ATAD3A: variants seen among roughly 807,000 people sequenced by gnomAD.
The protein encoded by ATAD3A is ATPase family AAA domain containing 3A, also known as ATPase family AAA domain-containing protein 3A.
A neutral mutation model predicts 73.8 loss-of-function variants in ATAD3A; 46 were observed. The observed-to-expected ratio is 0.62, with a 90% CI of 0.49 to 0.80. The LOEUF (loss-of-function observed/expected upper bound fraction) is 0.80. Among genes scored for constraint, ATAD3A ranks in the 30% least tolerant of loss-of-function variants. The pLI, the probability that ATAD3A is intolerant of heterozygous loss-of-function variation, is 0.00. For synonymous variants in ATAD3A, 319 were observed against 350.0 expected, an observed-to-expected ratio of 0.91 and a Z score of 0.99; for missense variants, 705 against 838.0, an observed-to-expected ratio of 0.84 and a Z score of 1.96.
chr1:1,515,710 C>T (rs1345400576), intron 1 of ATAD3A, among the ~76,000 whole-genome samples: 2 of 152,340 alleles, frequency 1.3e-5, no homozygotes, highest in South Asian at 2.1e-4. Context: ...CTTTAGCCAT[C>T]GCCTGACTTT....
chr1:1,515,795 T>C (rs1641335235), intron 1 of ATAD3A, among the ~76,000 whole-genome samples: 1 of 152,160 alleles, frequency 6.6e-6, no homozygotes, highest in Admixed American at 6.5e-5. Flanking sequence ...AGACCATCCC[T>C]GGGGGGATAA....
Position 1,523,833 on chromosome 1 carries a change from C to T in ATAD3A, c.964-6C>T, listed in dbSNP as rs754629802. ...GTCTCCTCCAAACCCCCGTCTTCCC[C>T]GGCAGCCCAGCCTGGAAGCACGGGT... is the stretch of plus-strand genomic sequence containing the variant. On this transcript the variant is annotated splice_region_variant and splice_polypyrimidine_tract_variant and intron_variant, in intron 9 of 15. Transcript: ENST00000378756. This position sits in a 1 kb window ranked among gnomAD's most constrained non-coding sequence, Gnocchi z 5.1. 6.5e-5 allele frequency: 105 copies of T among 1,613,786 alleles called. No individual in the cohort carries two copies. The highest frequency in any genetic ancestry group is 2.4e-4 in the East Asian group (11 of 44,898).
intron 1 of ATAD3A, 91 bp from the exon 2 acceptor site, chr1:1,515,921 G>A (rs1170689989): frequency 6.7e-7 from 1 of 1,488,786 alleles, no homozygotes; most frequent in African/African-American, 1.4e-5. Context: ...GCGTGGCCGT[G>A]GATTCCAGAA....
intron 10 of ATAD3A, 125 bp downstream of exon 10, chr1:1,524,089 G>T: frequency 1.9e-6 from 3 of 1,575,388 alleles, no homozygotes; most frequent in Non-Finnish European, 8.6e-7. Flanking sequence ...CCTCGTGTAG[G>T]CTCAGGGTGC....
chr1:1,516,289 A>T (rs1570320535), intron 2 of ATAD3A, among the ~76,000 whole-genome samples: 3 of 151,882 alleles, frequency 2.0e-5, no homozygotes, highest in African/African-American at 7.2e-5. Flanking sequence ...CCCGAGAGGG[A>T]GGGCTGGTGT....
At position 1,512,318 on chromosome 1, in the gene ATAD3A, G is replaced by A; in HGVS notation, c.50G>A (p.Gly17Glu). The change falls in exon 1 of 16, where the codon GGG becomes GAG. Residue 17 changes from glycine to glutamate, a missense_variant. By Grantham distance (98) the Gly-to-Glu change is moderately conservative (BLOSUM62 -2). Transcript: ENST00000378756. ...AAGGGCCCCAAGGGTGAAGGCGCGG[G>A]GCCGCCGCCGCCTTTGCCGCCCGCG... is the stretch of plus-strand genomic sequence containing the variant. ...INKGPKGEGA[G>E]PPPPLPPAQP... The A allele has an allele frequency of 8.0e-7, 1 of 1,243,636 alleles. No individual in the cohort carries two copies. The highest frequency in any genetic ancestry group is 1.0e-6 in the Non-Finnish European group (1 of 988,550). 77.0% of individuals were successfully genotyped at this position (1,243,636 alleles called of 1,614,324 possible). A position where few individuals can be genotyped will look rare whatever the true frequency, so the allele number is the denominator to read the frequency against.
rs1423802037 is a variant in ATAD3A at position 1,527,761 on chromosome 1, T to C, written c.1404T>C (p.Asn468=). The C allele has an allele frequency of 6.2e-7, 1 of 1,613,730 alleles. No individual in the cohort carries two copies. Among genetic ancestry groups the C allele is most frequent in the Non-Finnish European group, 8.5e-7 (1 of 1,179,894 alleles). ...QFDWAINDRI[N]EMVHFDLPGQ... is the part of the protein sequence containing the mutation. ...ACTGGGCCATCAATGACCGCATCAA[T>C]GAGATGGTCCACTTCGACCTGCCAG... Residue 468 remains asparagine (N), a synonymous_variant, in exon 14 of 16, where the codon AAT becomes AAC. Transcript: ENST00000378756.
intron 15 of ATAD3A, among the ~76,000 whole-genome samples, chr1:1,531,531 T>C (rs1202030273): frequency 2.0e-5 from 3 of 151,862 alleles, no homozygotes; most frequent in African/African-American, 7.3e-5. Flanking sequence ...CCCAGCACTT[T>C]GGGAGGCCGA....
intron 2 of ATAD3A, among the ~76,000 whole-genome samples, chr1:1,516,868 C>T (rs1166410729): frequency 6.6e-6 from 1 of 152,134 alleles, no homozygotes; most frequent in Non-Finnish European, 1.5e-5. Flanking sequence ...CCCGCCACCA[C>T]ATCTGGCTAA....
rs1184920743 is a variant in ATAD3A, at chr1:1,523,461, C to T, written c.907-50C>T. ...GTGTGTGTGCGCGTTGGTGGCTGTTCCGTGGCTGTGGCAGGTGACCCGATG... is the reference window on the plus strand; with the variant it reads ...GTGTGTGTGCGCGTTGGTGGCTGTTTCGTGGCTGTGGCAGGTGACCCGATG... On this transcript the variant is annotated intron_variant, in intron 8 of 15. Coordinates refer to ENST00000378756, the MANE Select transcript of ATAD3A (RefSeq NM_001170535.3). This position sits in a 1 kb window ranked among gnomAD's most constrained non-coding sequence, Gnocchi z 5.1. 1 of 1,597,896 alleles carries T rather than the reference C, an allele frequency of 6.3e-7. No homozygotes were observed. Among genetic ancestry groups the T allele is most frequent in the Non-Finnish European group, 8.5e-7 (1 of 1,172,524 alleles).
rs1371643873 is a variant in ATAD3A at position 1,520,313 on chromosome 1, A to C, written c.680+7A>C. The C allele has an allele frequency of 1.2e-6, 2 of 1,610,382 alleles. No homozygotes were observed. Among genetic ancestry groups the C allele is most frequent in the South Asian group, 1.1e-5 (1 of 90,988 alleles). The stretch of plus-strand genomic sequence containing the variant: ...CCGTCTTGGAGTCCATCAGGTGAGC[A>C]CTGCCGAGGCCCGGGCCGGCCACAG... On this transcript the variant is annotated splice_region_variant and intron_variant, in intron 6 of 15. Coordinates refer to ENST00000378756, the MANE Select transcript of ATAD3A (RefSeq NM_001170535.3). The surrounding 1 kb of genome is among the most constrained non-coding windows in gnomAD (Gnocchi z 4.0).
Position 1,520,855 on chromosome 1 carries a change from T to C in ATAD3A, c.750+238T>C, listed in dbSNP as rs1420386881. Among the ~76,000 whole-genome samples, 2 of 151,356 alleles carry C rather than the reference T, an allele frequency of 1.3e-5. No homozygotes were observed. Among genetic ancestry groups the C allele is most frequent in the African/African-American group, 2.4e-5 (1 of 41,206 alleles). Reference sequence around the variant, plus strand: ...GACCCCATCTCTACAAAAAATCAAATATTAGCTGGGTGTGGTGGCAGCCCC... The same window carrying C: ...GACCCCATCTCTACAAAAAATCAAACATTAGCTGGGTGTGGTGGCAGCCCC... On this transcript the variant is annotated intron_variant, in intron 7 of 15. Coordinates refer to ENST00000378756, the MANE Select transcript of ATAD3A (RefSeq NM_001170535.3). This position sits in a 1 kb window ranked among gnomAD's most constrained non-coding sequence, Gnocchi z 4.0.
At chr1:1,518,043 AGGTG>A (rs1474274242) in intron 4 of ATAD3A, among the ~76,000 whole-genome samples, 1 of 151,680 alleles carries the variant, frequency 6.6e-6, no homozygotes, top group Non-Finnish European at 1.5e-5. Flanking sequence ...ACACACAGAC[AGGTG>A]CACCCACTTC....
At position 1,526,473 on chromosome 1, in the gene ATAD3A, G is replaced by A. The variant is rs759851546; in HGVS notation, c.1279G>A (p.Glu427Lys). ...CTTCTCTCTGCAGGAGAAGATAAGC[G>A]AGGACCTCAGGGCCACACTGAACGC... ...LRKRATEKIS[E>K]DLRATLNAFL... The change falls in exon 13 of 16, where the codon GAG becomes AAG. Residue 427 changes from glutamate to lysine, a missense_variant. Glu to Lys is a moderately conservative substitution (Grantham distance 56). Transcript: ENST00000378756. 27 of 1,612,006 alleles carry A rather than the reference G, an allele frequency of 1.7e-5. No individual in the cohort carries two copies. In the East Asian group the frequency reaches 3.1e-4, roughly 19 times the overall value.
chr1:1,533,811 G>C (rs533570603), intron 15 of ATAD3A, 115 bp from the exon 16 acceptor site: 16,221 of 1,370,204 alleles, frequency 0.012, 145 homozygotes, highest in Non-Finnish European at 0.014. Flanking sequence ...TGTGTTTCAC[G>C]CTCAGGCCAT....
intron 14 of ATAD3A, among the ~76,000 whole-genome samples, chr1:1,528,801 T>C (rs936755157): frequency 6.6e-5 from 10 of 152,240 alleles, no homozygotes; most frequent in Admixed American, 2.6e-4. Context: ...CCAGCCCAGC[T>C]TTCCGGGCCT....
chr1:1,520,648 G>A lies in ATAD3A; in HGVS notation c.750+31G>A, dbSNP rs1251458068. ...CATACTCATAAAACAGGGCTGGCAG[G>A]TGGCTGAGGGGCAGCATGTGGGGGC... On this transcript the variant is annotated intron_variant, in intron 7 of 15. Transcript: ENST00000378756. The surrounding 1 kb of genome is among the most constrained non-coding windows in gnomAD (Gnocchi z 4.0). 1 of 1,613,084 alleles carries A rather than the reference G, an allele frequency of 6.2e-7. No individual in the cohort carries two copies. The highest frequency in any genetic ancestry group is 8.5e-7 in the Non-Finnish European group (1 of 1,179,850).
intron 14 of ATAD3A, 129 bp from the exon 15 acceptor site, chr1:1,529,094 C>A: frequency 7.1e-7 from 1 of 1,406,548 alleles, no homozygotes; most frequent in Non-Finnish European, 9.7e-7. Context: ...GCTGGGCTGT[C>A]AGAAGTAGAG....
intron 4 of ATAD3A, 148 bp from the exon 5 acceptor site, chr1:1,518,773 C>T: frequency 6.6e-7 from 1 of 1,516,978 alleles, no homozygotes; most frequent in Non-Finnish European, 8.9e-7. Context: ...CACATTCGGG[C>T]ACCGTCACCC....
Sources: gnomAD v4.1 joint callset for allele counts (sites outside exome capture counted in the v4.1 genomes callset) on GRCh38, gnomAD v4.1.1 for gene constraint, Gnocchi (gnomAD v3.1) non-coding constraint, MANE v1.5 for transcripts, NCBI Gene and HGNC (gene_info 2026-07-23, HGNC 2026-07-21) for gene names.